The following FABP12 variants were observed in gnomAD, a reference collection of about 807,000 sequenced individuals.
FABP12 encodes fatty acid binding protein 12.
FABP12 carries 19 observed loss-of-function variants against 13.7 expected under a neutral mutation model. The observed-to-expected ratio is 1.39, with a 90% confidence interval of 0.97 to 2.04. The LOEUF is 2.04. Among genes scored for constraint, FABP12 ranks in the 30% most tolerant of loss-of-function variants. The pLI is 0.00. For synonymous variants in FABP12, 61 were observed against 57.0 expected (o/e 1.07, Z -0.32); for missense variants, 182 against 164.2 (o/e 1.11, Z -0.59).
chr8:81,529,291 T>C, intron 3 of FABP12, 147 bp downstream of exon 3: 1 of 753,468 alleles, frequency 1.3e-6, no homozygotes, highest in Non-Finnish European at 2.2e-6. Flanking sequence ...GATTTGTATC[T>C]TCACATTGAC....
At chr8:81,551,121 T>C (rs1809516191) in intron 1 of FABP12, among the ~76,000 whole-genome samples, 1 of 152,178 alleles carries the variant, frequency 6.6e-6, no homozygotes, top group African/African-American at 2.4e-5. Flanking sequence ...TTAATCATTA[T>C]ATATATTTGT....
At chr8:81,545,835 T>A (rs1205223319) in intron 1 of FABP12, among the ~76,000 whole-genome samples, 2 of 152,180 alleles carry the variant, frequency 1.3e-5, no homozygotes, top group African/African-American at 4.8e-5. Context: ...CCCCACATAT[T>A]CCTTATCTCT....
upstream of FABP12, among the ~76,000 whole-genome samples, chr8:81,538,824 T>G (rs1809281691): frequency 6.6e-6 from 1 of 152,134 alleles, no homozygotes; most frequent in Non-Finnish European, 1.5e-5. Flanking sequence ...GACCTTTATG[T>G]TTTATTTTAA....
At chr8:81,551,011 T>C (rs1809514977) in intron 1 of FABP12, among the ~76,000 whole-genome samples, 4 of 152,126 alleles carry the variant, frequency 2.6e-5, no homozygotes, top group African/African-American at 9.7e-5. Flanking sequence ...GAGTTGAAAA[T>C]GGATTCCCCC....
intron 1 of FABP12, among the ~76,000 whole-genome samples, chr8:81,562,621 T>C (rs1056611190): frequency 3.9e-5 from 6 of 151,928 alleles, no homozygotes; most frequent in Non-Finnish European, 8.8e-5. Flanking sequence ...TGAACATTGG[T>C]GGTAGCCAGG....
intron 1 of FABP12, among the ~76,000 whole-genome samples, chr8:81,564,817 G>A (rs1809786927): frequency 6.6e-6 from 1 of 151,980 alleles, no homozygotes; most frequent in Non-Finnish European, 1.5e-5. Flanking sequence ...GAAACTGGTA[G>A]GAGTAAGTCT....
intron 1 of FABP12, among the ~76,000 whole-genome samples, chr8:81,549,211 C>T (rs1211988286): frequency 1.5e-5 from 2 of 132,070 alleles, no homozygotes; most frequent in Non-Finnish European, 3.2e-5. Flanking sequence ...TCTCTTTCGC[C>T]TCTACACAGA....
In FABP12 at chr8:81,531,331, T is replaced by C. The variant is rs369915266; in HGVS notation, c.-16A>G. 36 of 1,575,124 alleles carry C rather than the reference T, an allele frequency of 2.3e-5. No homozygotes were observed. In the African/African-American group the frequency reaches 4.0e-4, roughly 18 times the overall value. On this transcript the variant is annotated 5_prime_UTR_variant, in exon 2 of 5. Coordinates refer to ENST00000360464, the Ensembl canonical transcript of FABP12. Reference sequence around the variant, plus strand: ...GGTCAATCATTCTGTCTGAGATAAGTTGATCTCAAAGAACAGTAGTTTCAT... The same window carrying C: ...GGTCAATCATTCTGTCTGAGATAAGCTGATCTCAAAGAACAGTAGTTTCAT...
Position 81,544,940 on chromosome 8 carries a change from G to A in FABP12, c.-184-5197C>T, listed in dbSNP as rs139280983. ...AACTCTGATTTTAAAATGATATTGT[G>A]TAATTCCAGGAAGAGATTTTATGGC... On this transcript the variant is annotated intron_variant, in intron 1 of 5. Transcript: ENST00000692030. 5.8e-3 allele frequency among the ~76,000 whole-genome samples: 882 copies of A among 152,302 alleles called. 10 individuals carry two copies. The highest frequency in any genetic ancestry group is 0.02 in the African/African-American group (838 of 41,558).
At chr8:81,535,805 A>G (rs1333772938), upstream of FABP12, among the ~76,000 whole-genome samples, 1 of 152,062 alleles carries the variant, frequency 6.6e-6, no homozygotes, top group Non-Finnish European at 1.5e-5. Flanking sequence ...GAGACAAAGG[A>G]TTCTGGGTCT....
intron 1 of FABP12, among the ~76,000 whole-genome samples, chr8:81,579,119 C>T (rs766402091): frequency 2.0e-5 from 3 of 152,288 alleles, no homozygotes; most frequent in Non-Finnish European, 2.9e-5. Flanking sequence ...TGAGCCACCG[C>T]GCCCAGCCTC....
At chr8:81,579,989 T>G (rs1359058336) in intron 1 of FABP12, among the ~76,000 whole-genome samples, 2 of 152,230 alleles carry the variant, frequency 1.3e-5, no homozygotes, top group African/African-American at 4.8e-5. Flanking sequence ...GTAAACATAC[T>G]GGTTTAAAAT....
At chr8:81,555,758 T>TA (rs923599978) in intron 1 of FABP12, among the ~76,000 whole-genome samples, 4 of 152,186 alleles carry the variant, frequency 2.6e-5, no homozygotes, top group Non-Finnish European at 5.9e-5. Context: ...GCATTCTTAA[T>TA]AAAAAATTTT....
intron 1 of FABP12, among the ~76,000 whole-genome samples, chr8:81,569,830 T>A (rs181976136): frequency 2.7e-4 from 41 of 152,208 alleles, no homozygotes; most frequent in African/African-American, 9.6e-4. Flanking sequence ...ATCTTTGGGG[T>A]GTTGCTTTTC....
chr8:81,565,934 G>GA (rs1563554173), intron 1 of FABP12, among the ~76,000 whole-genome samples: 1 of 151,546 alleles, frequency 6.6e-6, no homozygotes, highest in Non-Finnish European at 1.5e-5. Context: ...CTCAGACTAA[G>GA]AAAAAATGGG....
chr8:81,578,183 T>A (rs2130094661), intron 1 of FABP12, among the ~76,000 whole-genome samples: 1 of 152,376 alleles, frequency 6.6e-6, no homozygotes, highest in Non-Finnish European at 1.5e-5. Context: ...CTCAAATTTA[T>A]TTCACCATGG....
chr8:81,541,052 A>C (rs1260766863), intron 1 of FABP12, among the ~76,000 whole-genome samples: 1 of 151,772 alleles, frequency 6.6e-6, no homozygotes, highest in African/African-American at 2.4e-5. Flanking sequence ...CTGTAATCCC[A>C]GCTACTTGGG....
chr8:81,566,916 C>T (rs1031663854), intron 1 of FABP12, among the ~76,000 whole-genome samples: 83 of 152,128 alleles, frequency 5.5e-4, no homozygotes, highest in Middle Eastern at 3.4e-3. Context: ...AACCTAAAGA[C>T]TCTATCAAAA....
chr8:81,569,789 G>C (rs145743380), intron 1 of FABP12, among the ~76,000 whole-genome samples: 154 of 152,340 alleles, frequency 1.0e-3, no homozygotes, highest in African/African-American at 3.7e-3. Flanking sequence ...CAGGTAATAA[G>C]TATCATTTTC....
Sources: gnomAD v4.1 joint callset for allele counts (sites outside exome capture counted in the v4.1 genomes callset) on GRCh38, gnomAD v4.1.1 for gene constraint, MANE v1.5 for transcripts, NCBI Gene and HGNC (gene_info 2026-07-23, HGNC 2026-07-21) for gene names.